Variants in KLHDC4 observed in about 807,000 individuals in gnomAD.
The protein encoded by KLHDC4 is kelch domain containing 4.
A neutral mutation model predicts 62.4 loss-of-function variants in KLHDC4; 90 were observed. The ratio of observed to expected loss-of-function variants is 1.44; its 90% CI spans 1.22 to 1.72. The LOEUF is 1.72. KLHDC4 is among the 40% of genes most tolerant of loss of function. The pLI is 0.00. For missense variants in KLHDC4, 1,025 were observed against 699.7 expected (o/e 1.47, Z -5.25); for synonymous variants, 386 against 284.4 (o/e 1.36, Z -3.59).
intron 5 of KLHDC4, among the ~76,000 whole-genome samples, chr16:87,737,481 G>C (rs2041531545): frequency 6.6e-6 from 1 of 152,046 alleles, no homozygotes; most frequent in Non-Finnish European, 1.5e-5. Flanking sequence ...CCAGCTACTT[G>C]GAAAGCTGAG....
At chr16:87,765,269 T>A (rs1220219213) in intron 1 of KLHDC4, 2 of 456,126 alleles carry the variant, frequency 4.4e-6, no homozygotes. Flanking sequence ...GGATACCCCG[T>A]GGCTCCAGTG....
chr16:87,733,117 C>T (rs540878944), intron 5 of KLHDC4, among the ~76,000 whole-genome samples: 94 of 150,086 alleles, frequency 6.3e-4, no homozygotes, highest in African/African-American at 2.2e-3. Context: ...ATCCCAGCTT[C>T]TATCGGTGAA....
chr16:87,716,737 C>T (rs991079856), intron 7 of KLHDC4, among the ~76,000 whole-genome samples: 2 of 152,082 alleles, frequency 1.3e-5, no homozygotes, highest in African/African-American at 4.8e-5. Flanking sequence ...AAGACTAATC[C>T]TGGCTAACAC....
chr16:87,717,330 A>G (rs1322388627), intron 7 of KLHDC4, among the ~76,000 whole-genome samples: 3 of 152,248 alleles, frequency 2.0e-5, no homozygotes, highest in African/African-American at 7.2e-5. Context: ...GAGCAAGGAA[A>G]TATTTGTTTA....
chr16:87,728,059 T>G (rs2039685133), intron 6 of KLHDC4, among the ~76,000 whole-genome samples: 2 of 151,960 alleles, frequency 1.3e-5, no homozygotes, highest in Non-Finnish European at 2.9e-5. Context: ...TGGGGGCGGG[T>G]GCCTATAATC....
chr16:87,716,101 G>A (rs1000071636), intron 7 of KLHDC4, among the ~76,000 whole-genome samples: 10 of 152,028 alleles, frequency 6.6e-5, no homozygotes, highest in African/African-American at 1.7e-4. Flanking sequence ...GGATACTGAC[G>A]TAGACTTTGG....
intron 5 of KLHDC4, among the ~76,000 whole-genome samples, chr16:87,743,872 G>C (rs764934162): frequency 6.6e-6 from 1 of 152,192 alleles, no homozygotes; most frequent in Non-Finnish European, 1.5e-5. Context: ...AAACCAAATG[G>C]AGACATACAC....
intron 1 of KLHDC4, chr16:87,765,344 T>G (rs1286036791): frequency 2.2e-6 from 1 of 457,852 alleles, no homozygotes; most frequent in South Asian, 1.5e-5. Flanking sequence ...TTGCCCTCTT[T>G]TGAAAGAAAA....
rs1000657716 is a variant in KLHDC4, at chr16:87,729,787, A to G, written c.599+765T>C. Among the ~76,000 whole-genome samples the G allele has an allele frequency of 2.0e-5, 3 of 152,122 alleles. No individual in the cohort carries two copies. In the East Asian group the frequency reaches 5.8e-4, roughly 29 times the overall value. Reference sequence around the variant, plus strand: ...AAGTGATTACAGACCCGTGGCTCTCAAAGTGAAGTCCCCTGGCCAGCAACG... The same window carrying G: ...AAGTGATTACAGACCCGTGGCTCTCGAAGTGAAGTCCCCTGGCCAGCAACG... On this transcript the variant is annotated intron_variant, in intron 6 of 11. Transcript: ENST00000270583.
intron 5 of KLHDC4, among the ~76,000 whole-genome samples, chr16:87,734,157 C>G (rs768968532): frequency 6.6e-6 from 1 of 152,134 alleles, no homozygotes; most frequent in Non-Finnish European, 1.5e-5. Context: ...CCAGCCTCAC[C>G]AACATGGTGA....
chr16:87,730,513 G>A (rs2040157919), intron 6 of KLHDC4, 39 bp downstream of exon 6: 1 of 1,494,714 alleles, frequency 6.7e-7, no homozygotes, highest in African/African-American at 1.4e-5. Context: ...ACTCCTTAAT[G>A]CTTCAGGAGA....
intron 7 of KLHDC4, among the ~76,000 whole-genome samples, chr16:87,721,096 G>A (rs1244971734): frequency 3.3e-5 from 5 of 152,178 alleles, no homozygotes; most frequent in Admixed American, 1.3e-4. Context: ...CGCTTTCCAA[G>A]ACTGAACATT....
At chr16:87,744,964 C>T (rs540845396) in intron 5 of KLHDC4, among the ~76,000 whole-genome samples, 1 of 131,642 alleles carries the variant, frequency 7.6e-6, no homozygotes, top group South Asian at 2.7e-4. Context: ...CACACGTGCA[C>T]ACATGCAATC....
In KLHDC4 at chr16:87,709,732, C is replaced by A. The variant is rs2035400574; in HGVS notation, c.1045-65G>T. The A allele has an allele frequency of 2.9e-5, 42 of 1,468,552 alleles. No homozygotes were observed. In the South Asian group the frequency reaches 5.6e-4, roughly 20 times the overall value. The allele number at this position is 1,468,552 out of a possible 1,614,324, so 91.0% of individuals were successfully genotyped here. A position where few individuals can be genotyped will look rare whatever the true frequency, so the allele number is the denominator to read the frequency against. The stretch of plus-strand genomic sequence containing the variant: ...CGAGGCAGGGGTCATTCCTGCTATG[C>A]CCACAAGGCCAGGCAAGGGTTTGCG... On this transcript the variant is annotated intron_variant, in intron 9 of 11. Coordinates refer to ENST00000270583, the MANE Select transcript of KLHDC4 (RefSeq NM_017566.4).
chr16:87,704,479 G>A (rs1412268505), downstream of KLHDC4, among the ~76,000 whole-genome samples: 2 of 104,898 alleles, frequency 1.9e-5, no homozygotes, highest in East Asian at 3.2e-4. Context: ...GGAAGGAGGC[G>A]CCTGGGGAGG....
At chr16:87,711,151 A>C in intron 9 of KLHDC4, 84 bp downstream of exon 9, 1 of 1,461,204 alleles carries the variant, frequency 6.8e-7, no homozygotes, top group East Asian at 2.3e-5. Flanking sequence ...CCCAATACCA[A>C]AAGGTGCTGG....
intron 1 of KLHDC4, among the ~76,000 whole-genome samples, chr16:87,763,809 TA>T (rs1461931864): frequency 6.6e-6 from 1 of 152,130 alleles, no homozygotes; most frequent in Non-Finnish European, 1.5e-5. Context: ...AGCAAGGTGG[TA>T]GGGTCTGGGT....
chr16:87,729,534 G>A (rs1237953937), intron 6 of KLHDC4, among the ~76,000 whole-genome samples: 1 of 152,138 alleles, frequency 6.6e-6, no homozygotes, highest in Non-Finnish European at 1.5e-5. Flanking sequence ...ACAGAAACAG[G>A]GATAACCAGC....
At chr16:87,751,092 G>A (rs1427974710) in intron 4 of KLHDC4, 2 of 152,250 alleles carry the variant, frequency 1.3e-5, no homozygotes, top group South Asian at 2.1e-4. Flanking sequence ...CAATGCCACA[G>A]AATAATCCTA....
Sources: allele counts gnomAD v4.1 joint callset (sites outside exome capture counted in the v4.1 genomes callset), GRCh38; gene constraint gnomAD v4.1.1; transcripts MANE v1.5; gene names NCBI Gene and HGNC (gene_info 2026-07-23, HGNC 2026-07-21).